The following LHFPL3 variants were observed in gnomAD, a reference collection of about 807,000 sequenced individuals.
LHFPL3 encodes LHFPL tetraspan subfamily member 3.
In LHFPL3, 5 loss-of-function variants were observed where a neutral mutation model predicts 19.3. The observed-to-expected ratio is 0.26, with a 90% CI of 0.14 to 0.54. The LOEUF is 0.54. Ranked by LOEUF, LHFPL3 falls within the 20% of genes least tolerant of loss-of-function variation. The pLI is 0.94. For synonymous variants in LHFPL3, 133 were observed against 126.2 expected (o/e 1.05, Z -0.36); for missense variants, 249 against 307.4 (o/e 0.81, Z 1.42).
At chr7:104,844,594 T>A (rs1562812177) in intron 2 of LHFPL3, among the ~76,000 whole-genome samples, 1 of 152,340 alleles carries the variant, frequency 6.6e-6, no homozygotes, top group East Asian at 1.9e-4. Context: ...TCCTTGACTT[T>A]CACTTCTTTT....
At chr7:104,878,810 G>C (rs1791994305) in intron 2 of LHFPL3, among the ~76,000 whole-genome samples, 1 of 152,186 alleles carries the variant, frequency 6.6e-6, no homozygotes, top group Non-Finnish European at 1.5e-5. Flanking sequence ...GAAGGAAATG[G>C]AAAGTGCTAC....
chr7:104,521,900 A>T (rs990926016), intron 1 of LHFPL3, among the ~76,000 whole-genome samples: 94 of 152,214 alleles, frequency 6.2e-4, no homozygotes, highest in African/African-American at 2.0e-3. Context: ...GGTGCTGGAG[A>T]GGATGTGGAG....
At chr7:104,858,571 C>T (rs544613820) in intron 2 of LHFPL3, among the ~76,000 whole-genome samples, 3 of 152,284 alleles carry the variant, frequency 2.0e-5, no homozygotes, top group African/African-American at 4.8e-5. Flanking sequence ...TCCTCTTTGC[C>T]CAAGCCTTCA....
intron 1 of LHFPL3, among the ~76,000 whole-genome samples, chr7:104,431,770 T>C (rs1198445594): frequency 6.6e-6 from 1 of 152,256 alleles, no homozygotes; most frequent in East Asian, 1.9e-4. Context: ...AATATTTGTA[T>C]TGAGAAATAC....
chr7:104,333,491 G>C (rs1472670956), intron 1 of LHFPL3, among the ~76,000 whole-genome samples: 1 of 152,188 alleles, frequency 6.6e-6, no homozygotes, highest in African/African-American at 2.4e-5. Context: ...GTACCAGCAA[G>C]AAGGGCCAGC....
chr7:104,894,496 G>A (rs749208567), intron 2 of LHFPL3: 1 of 152,148 alleles, frequency 6.6e-6, no homozygotes, highest in African/African-American at 2.4e-5. Flanking sequence ...GTCTCCCAGG[G>A]TTCAGTCCGC....
chr7:104,503,594 G>A (rs989445671), intron 1 of LHFPL3, among the ~76,000 whole-genome samples: 6 of 151,890 alleles, frequency 4.0e-5, no homozygotes, highest in Non-Finnish European at 7.4e-5. Flanking sequence ...TTTTGAGACT[G>A]GGTCTCACCC....
chr7:104,827,417 T>G (rs1474827561), intron 2 of LHFPL3, among the ~76,000 whole-genome samples: 1 of 152,042 alleles, frequency 6.6e-6, no homozygotes, highest in Non-Finnish European at 1.5e-5. Context: ...AAGAAGATGG[T>G]AGGTACAATT....
At chr7:104,334,724 T>C (rs1188552925) in intron 1 of LHFPL3, among the ~76,000 whole-genome samples, 6 of 152,196 alleles carry the variant, frequency 3.9e-5, no homozygotes, top group Admixed American at 1.3e-4. Flanking sequence ...TGATGAGCTT[T>C]TTCCCAGAGG....
intron 1 of LHFPL3, among the ~76,000 whole-genome samples, chr7:104,696,108 G>A (rs1269011087): frequency 1.3e-5 from 2 of 152,034 alleles, no homozygotes; most frequent in South Asian, 2.1e-4. Context: ...CCACCACCAC[G>A]CCCGGCTAAT....
chr7:104,905,461 C>T (rs1363378447), intron 2 of LHFPL3, among the ~76,000 whole-genome samples: 5 of 152,066 alleles, frequency 3.3e-5, no homozygotes, highest in Admixed American at 2.6e-4. Context: ...GTAGCGCACA[C>T]CTGTCATCCC....
chr7:104,670,242 T>C (rs1792450367), intron 1 of LHFPL3, among the ~76,000 whole-genome samples: 1 of 152,020 alleles, frequency 6.6e-6, no homozygotes. Context: ...AATCGTGGTT[T>C]GAAAGGAAGC....
chr7:104,463,624 T>A (rs1792718437), intron 1 of LHFPL3, among the ~76,000 whole-genome samples: 1 of 152,108 alleles, frequency 6.6e-6, no homozygotes, highest in African/African-American at 2.4e-5. Context: ...AGCAAACACA[T>A]CCTTCTTCAC....
chr7:104,474,386 C>T (rs894270756), intron 1 of LHFPL3, among the ~76,000 whole-genome samples: 6 of 152,016 alleles, frequency 3.9e-5, no homozygotes, highest in Admixed American at 3.3e-4. Flanking sequence ...GGGTCTTGGC[C>T]GGGTGCGGTG....
At chr7:104,533,044 A>G (rs1794331768) in intron 1 of LHFPL3, among the ~76,000 whole-genome samples, 1 of 152,212 alleles carries the variant, frequency 6.6e-6, no homozygotes, top group Admixed American at 6.5e-5. Flanking sequence ...AAATTATACT[A>G]CATTTACTCA....
chr7:104,800,612 G>A (rs2116473582), intron 2 of LHFPL3, among the ~76,000 whole-genome samples: 1 of 152,246 alleles, frequency 6.6e-6, no homozygotes, highest in South Asian at 2.1e-4. Flanking sequence ...AAGTCAACCT[G>A]TCTAGACTGA....
chr7:104,725,389 C>T (rs1310286244), intron 1 of LHFPL3, among the ~76,000 whole-genome samples: 1 of 152,134 alleles, frequency 6.6e-6, no homozygotes, highest in Non-Finnish European at 1.5e-5. Flanking sequence ...TTAGCTGCAA[C>T]TGTAATGTAA....
intron 1 of LHFPL3, among the ~76,000 whole-genome samples, chr7:104,398,440 T>A (rs768908825): frequency 6.6e-6 from 1 of 152,176 alleles, no homozygotes; most frequent in Non-Finnish European, 1.5e-5. Flanking sequence ...CTTCATGTTG[T>A]TTGTGGATTG....
chr7:104,544,094 G>A (rs1193676004), intron 1 of LHFPL3, among the ~76,000 whole-genome samples: 1 of 149,554 alleles, frequency 6.7e-6, no homozygotes, highest in Non-Finnish European at 1.5e-5. Context: ...ACTCATAAAA[G>A]TGAATGCCTG....
Sources: gnomAD v4.1 joint callset for allele counts (sites outside exome capture counted in the v4.1 genomes callset) on GRCh38, gnomAD v4.1.1 for gene constraint, MANE v1.5 for transcripts, NCBI Gene and HGNC (gene_info 2026-07-23, HGNC 2026-07-21) for gene names.